Variants in ORC4 observed in about 807,000 individuals in gnomAD.
ORC4 encodes origin recognition complex, subunit 4 homolog.
Under a neutral mutation model 63.9 loss-of-function variants are expected in ORC4, and 55 were observed. The observed-to-expected ratio is 0.86, with a 90% confidence interval of 0.69 to 1.08. The LOEUF is 1.08. ORC4 is among the 50% of genes least tolerant of loss of function. The probability of loss-of-function intolerance (pLI) is 0.00; values close to 1 mark genes in which losing one functional copy is unlikely to be tolerated. For missense variants in ORC4, 511 were observed against 504.4 expected (o/e 1.01, Z -0.13); for synonymous variants, 150 against 168.5 (o/e 0.89, Z 0.85).
At chr2:147,986,790 T>TACACACACACACACACACAC (rs70992183) in intron 1 of ORC4, among the ~76,000 whole-genome samples, 55 of 148,650 alleles carry the variant, frequency 3.7e-4, no homozygotes, top group African/African-American at 1.3e-3. Context: ...CACACACACA[T>TACACACACACACACACACAC]ACACACACAC....
intron 1 of ORC4, among the ~76,000 whole-genome samples, chr2:148,002,312 T>C (rs1480301260): frequency 6.6e-6 from 1 of 152,148 alleles, no homozygotes; most frequent in Non-Finnish European, 1.5e-5. Flanking sequence ...GAATATACAT[T>C]CTTCTCAGCA....
chr2:148,000,094 T>C (rs1342501574), intron 1 of ORC4, among the ~76,000 whole-genome samples: 2 of 146,162 alleles, frequency 1.4e-5, no homozygotes, highest in East Asian at 4.0e-4. Flanking sequence ...AGAAAAAAAA[T>C]AGGTCCAGGA....
At chr2:147,968,554 T>C (rs1421892466) in intron 4 of ORC4, among the ~76,000 whole-genome samples, 1 of 151,984 alleles carries the variant, frequency 6.6e-6, no homozygotes, top group Admixed American at 6.6e-5. Flanking sequence ...TCATCAATCA[T>C]CAGGGAAATG....
At chr2:147,980,059 C>T (rs1025569356) in intron 1 of ORC4, among the ~76,000 whole-genome samples, 1 of 151,942 alleles carries the variant, frequency 6.6e-6, no homozygotes, top group Non-Finnish European at 1.5e-5. Context: ...ATAATGAAAA[C>T]AGACATAAAA....
In ORC4 at chr2:147,931,515, C is replaced by A. The variant is rs1315746318; in HGVS notation, c.*3995G>T. ...CTATTTCTCCACATCCTCTCCAGCA[C>A]CTGTTGTTTCCTGACTTTTTAATGA... On this transcript the variant is annotated 3_prime_UTR_variant, in exon 14 of 14. Coordinates refer to ENST00000392857, the MANE Select transcript of ORC4 (RefSeq NM_181741.4). 6.6e-6 allele frequency: 1 copy of A among 151,976 alleles called. No homozygotes were observed. Among genetic ancestry groups the A allele is most frequent in the Non-Finnish European group, 1.5e-5 (1 of 67,986 alleles). 9.4% of individuals were successfully genotyped at this position (151,976 alleles called of 1,614,324 possible).
At chr2:147,942,476 A>G (rs1346833976) in intron 10 of ORC4, among the ~76,000 whole-genome samples, 1 of 152,148 alleles carries the variant, frequency 6.6e-6, no homozygotes, top group East Asian at 1.9e-4. Context: ...ATAATCAAAT[A>G]TATCAACAGG....
At chr2:147,947,857 T>C (rs369894839) in intron 9 of ORC4, 194 bp downstream of exon 9, 26 of 492,918 alleles carry the variant, frequency 5.3e-5, no homozygotes, top group African/African-American at 2.5e-4. Flanking sequence ...TCTTTTGAGA[T>C]AGAATTTAGG....
At chr2:147,998,915 AAG>A (rs1265704875) in intron 1 of ORC4, among the ~76,000 whole-genome samples, 2 of 152,168 alleles carry the variant, frequency 1.3e-5, no homozygotes, top group Admixed American at 6.5e-5. Context: ...CAGGAATGAA[AAG>A]AGAGAATAAA....
chr2:147,959,909 T>C (rs977009970), intron 4 of ORC4, among the ~76,000 whole-genome samples: 1 of 152,180 alleles, frequency 6.6e-6, no homozygotes, highest in African/African-American at 2.4e-5. Flanking sequence ...TCTTCACCTC[T>C]GGATCAGGTC....
At chr2:147,996,748 A>G (rs1691999583) in intron 1 of ORC4, among the ~76,000 whole-genome samples, 1 of 152,264 alleles carries the variant, frequency 6.6e-6, no homozygotes, top group South Asian at 2.1e-4. Context: ...CAAAACAATG[A>G]CAATACCAAA....
At chr2:148,021,477 GCTGTTGCTGCTGCTGCTGCTA>G (rs1160900172), upstream of ORC4, 2 of 578,600 alleles carry the variant, frequency 3.5e-6, no homozygotes, top group Admixed American at 2.2e-5. Flanking sequence ...TGCTGCTGCT[GCTGTTGCTGCTGCTGCTGCTA>G]CTGCTGCTGC....
At chr2:147,952,709 AAC>A (rs1457578043) in intron 7 of ORC4, among the ~76,000 whole-genome samples, 185 bp from the exon 8 acceptor site, 1 of 152,126 alleles carries the variant, frequency 6.6e-6, no homozygotes, top group Non-Finnish European at 1.5e-5. Flanking sequence ...TCAAAGGACA[AAC>A]ACAGCCCCGA....
At position 147,933,864 on chromosome 2, in the gene ORC4, T is replaced by C. The variant is rs903896358; in HGVS notation, c.*1646A>G. The C allele has an allele frequency of 1.4e-4, 22 of 152,062 alleles. No homozygotes were observed. The highest frequency in any genetic ancestry group is 4.8e-4 in the African/African-American group (20 of 41,412). The allele number at this position is 152,062 out of a possible 1,614,324, so 9.4% of individuals were successfully genotyped here. On this transcript the variant is annotated 3_prime_UTR_variant, in exon 14 of 14. Coordinates refer to ENST00000392857, the MANE Select transcript of ORC4 (RefSeq NM_181741.4). Reference sequence around the variant, plus strand: ...TAGCTTGAATGAGACTGCTGAGAAGTAAATGACAGGGATCTGAATACTTAG... The same window carrying C: ...TAGCTTGAATGAGACTGCTGAGAAGCAAATGACAGGGATCTGAATACTTAG...
chr2:147,987,689 C>A (rs1020451158), intron 1 of ORC4, among the ~76,000 whole-genome samples: 11 of 152,152 alleles, frequency 7.2e-5, no homozygotes, highest in Non-Finnish European at 1.5e-4. Flanking sequence ...GAGGTAACAA[C>A]AAACAATTTT....
intron 1 of ORC4, among the ~76,000 whole-genome samples, chr2:148,019,096 T>C (rs1030883477): frequency 6.6e-6 from 1 of 152,082 alleles, no homozygotes. Context: ...GGTTACACTA[T>C]AAAGACAGAC....
chr2:147,995,090 C>A (rs1691868047), intron 1 of ORC4, among the ~76,000 whole-genome samples: 1 of 151,420 alleles, frequency 6.6e-6, no homozygotes, highest in African/African-American at 2.4e-5. Context: ...TATAAAAACG[C>A]ACCAATCAGC....
intron 9 of ORC4, 38 bp downstream of exon 9, chr2:147,948,013 T>C (rs761073965): frequency 6.6e-7 from 1 of 1,521,478 alleles, no homozygotes; most frequent in Non-Finnish European, 9.1e-7. Flanking sequence ...TTAAATCATA[T>C]AGCAAGGAAC....
chr2:148,008,739 T>C (rs1391217055), intron 1 of ORC4, among the ~76,000 whole-genome samples: 2 of 152,088 alleles, frequency 1.3e-5, no homozygotes, highest in African/African-American at 2.4e-5. Flanking sequence ...CCCCAGCCAA[T>C]AGGGGAACGA....
At chr2:148,001,989 A>C (rs914407616) in intron 1 of ORC4, among the ~76,000 whole-genome samples, 25 of 152,198 alleles carry the variant, frequency 1.6e-4, no homozygotes, top group African/African-American at 6.0e-4. Flanking sequence ...ACTTTAAACC[A>C]ACAAAGATAA....
Sources: allele counts gnomAD v4.1 joint callset (sites outside exome capture counted in the v4.1 genomes callset), GRCh38; gene constraint gnomAD v4.1.1; transcripts MANE v1.5; gene names NCBI Gene and HGNC (gene_info 2026-07-23, HGNC 2026-07-21).